Variants in POM121L2 observed in about 807,000 individuals in gnomAD.
POM121L2 encodes the protein POM121-like protein 2.
For synonymous variants in POM121L2, 459 were observed against 483.8 expected, an observed-to-expected ratio of 0.95 and a Z score of 0.67; for missense variants, 1,167 against 1,260.3, an observed-to-expected ratio of 0.93 and a Z score of 1.12.
Position 27,311,330 on chromosome 6 carries a change from T to A in POM121L2, c.841A>T (p.Thr281Ser). The A allele has an allele frequency of 1.3e-6, 2 of 1,551,628 alleles. No homozygotes were observed. The highest frequency in any genetic ancestry group is 1.7e-6 in the Non-Finnish European group (2 of 1,146,994). The change falls in exon 1 of 1, where the codon ACA becomes TCA. Residue 281 changes from threonine to serine, a missense_variant. Coordinates refer to ENST00000444565, the MANE Select transcript of POM121L2 (RefSeq NM_033482.4). ...TCCTTTTTTATTGGCCACTCTGGTG[T>A]CTCGAATGATACACTGGGAACACTT... Reference protein sequence around the residue: ...KRSVPSVSFETPEWPIKKEKS... With the variant: ...KRSVPSVSFESPEWPIKKEKS...
Position 27,311,322 on chromosome 6 carries a change from C to T in POM121L2, c.849G>A (p.Glu283=), listed in dbSNP as rs553250172. The change falls in exon 1 of 1, where the codon GAG becomes GAA. Residue 283 remains glutamate, a synonymous_variant. Coordinates refer to ENST00000444565, the MANE Select transcript of POM121L2 (RefSeq NM_033482.4). ...SVPSVSFETP[E]WPIKKEKSCH... ...AACTTTTTTCCTTTTTTATTGGCCA[C>T]TCTGGTGTCTCGAATGATACACTGG... The T allele has an allele frequency of 1.3e-6, 2 of 1,551,654 alleles. No homozygotes were observed. Among genetic ancestry groups the T allele is most frequent in the Non-Finnish European group, 8.7e-7 (1 of 1,147,000 alleles).
Position 27,309,029 on chromosome 6 carries a change from T to C in POM121L2, c.*34A>G. 6.8e-7 allele frequency: 1 copy of C among 1,476,644 alleles called. No homozygotes were observed. The allele number at this position is 1,476,644 out of a possible 1,614,324, so 91.5% of individuals were successfully genotyped here. On this transcript the variant is annotated 3_prime_UTR_variant, in exon 1 of 1. Coordinates refer to ENST00000444565, the MANE Select transcript of POM121L2 (RefSeq NM_033482.4). ...AGGTTTTTCAAAAACAATACTGAGGTCTAAATCAGGGTGCAAGTGACAGGG... is the reference window on the plus strand; with the variant it reads ...AGGTTTTTCAAAAACAATACTGAGGCCTAAATCAGGGTGCAAGTGACAGGG...
At position 27,310,459 on chromosome 6, in the gene POM121L2, C is replaced by T. The variant is rs1340139357; in HGVS notation, c.1712G>A (p.Gly571Asp). 2.6e-6 allele frequency: 4 copies of T among 1,552,166 alleles called. No homozygotes were observed. The African/African-American group carries it at 4.1e-5, about 16-fold the overall frequency. Reference sequence around the variant, plus strand: ...AGGCTTGAAGGTAGGAGTTAAGGTACCCTGAATTGTGGAAAGGGAAGAGAT... The same window carrying T: ...AGGCTTGAAGGTAGGAGTTAAGGTATCCTGAATTGTGGAAAGGGAAGAGAT... ...SSISSLSTIQ[G>D]TLTPTFKPIF... Residue 571 changes from glycine (G) to aspartate (D), a missense_variant, in exon 1 of 1, where the codon GGT becomes GAT. Transcript: ENST00000444565.
rs1487605445 is a variant in POM121L2, at chr6:27,311,085, G to A, written c.1086C>T (p.Asn362=). The A allele has an allele frequency of 7.1e-6, 11 of 1,551,896 alleles. 1 individual carries two copies. Among genetic ancestry groups the A allele is most frequent in the East Asian group, 2.4e-5 (1 of 40,918 alleles). ...TGACCTCAGTTGTATCTTCTCCTGC[G>A]TTGTTGCTTACCTGTAGCTCAGCTT... is the stretch of plus-strand genomic sequence containing the variant. ...GKKAELQVSN[N]AGEDTTEVNT... The change falls in exon 1 of 1, where the codon AAC becomes AAT. Residue 362 remains asparagine, a synonymous_variant. Transcript: ENST00000444565.
At position 27,311,251 on chromosome 6, in the gene POM121L2, G is replaced by T; in HGVS notation, c.920C>A (p.Ser307Tyr). 1 of 1,551,852 alleles carries T rather than the reference G, an allele frequency of 6.4e-7. No individual in the cohort carries two copies. Among genetic ancestry groups the T allele is most frequent in the Non-Finnish European group, 8.7e-7 (1 of 1,147,046 alleles). ...SPVPLVSDFE[S>Y]LGGSESSGQQ... ...CCCAGAACTTTCAGATCCTCCTAGG[G>T]ACTCAAAATCTGATACCAGTGGGAC... The change falls in exon 1 of 1, where the codon TCC becomes TAC. Residue 307 changes from serine to tyrosine, a missense_variant. Coordinates refer to ENST00000444565, the MANE Select transcript of POM121L2 (RefSeq NM_033482.4).
chr6:27,311,785 A>G lies in POM121L2; in HGVS notation c.386T>C (p.Val129Ala). The G allele has an allele frequency of 6.4e-7, 1 of 1,551,706 alleles. No individual in the cohort carries two copies. Among genetic ancestry groups the G allele is most frequent in the Non-Finnish European group, 8.7e-7 (1 of 1,146,994 alleles). Residue 129 changes from valine to alanine, a missense_variant, in exon 1 of 1, where the codon GTG becomes GCG. Physicochemically the swap from Val to Ala is moderately conservative, Grantham distance 64. Transcript: ENST00000444565. ...TIRITPPDQR[V>A]PPSTSPEDVI... is the part of the protein sequence containing the mutation. ...ATCTTCAGGAGAAGTGGAAGGGGGC[A>G]CTCTCTGGTCAGGAGGAGTGATCCT...
At position 27,311,907 on chromosome 6, in the gene POM121L2, G is replaced by T. The variant is rs538835313; in HGVS notation, c.264C>A (p.Pro88=). ...ACCAGTCTGAAGGGAGAGGCCCCAG[G>T]GGGGAATTCTGGGACTTCTTCATGG... ...RFPMKKSQNS[P]LGPLPSDWWE... The change falls in exon 1 of 1, where the codon CCC becomes CCA. Residue 88 remains proline, a synonymous_variant. Transcript: ENST00000444565. 3.9e-6 allele frequency: 6 copies of T among 1,551,586 alleles called. No homozygotes were observed. Among genetic ancestry groups the T allele is most frequent in the South Asian group, 1.2e-5 (1 of 84,062 alleles).
chr6:27,309,992 G>A lies in POM121L2; in HGVS notation c.2179C>T (p.Pro727Ser). 1 of 1,551,784 alleles carries A rather than the reference G, an allele frequency of 6.4e-7. No homozygotes were observed. Among genetic ancestry groups the A allele is most frequent in the Non-Finnish European group, 8.7e-7 (1 of 1,147,008 alleles). Residue 727 changes from proline to serine, a missense_variant, in exon 1 of 1, where the codon CCT becomes TCT. By Grantham distance (74) the Pro-to-Ser change is moderately conservative. Coordinates refer to ENST00000444565, the MANE Select transcript of POM121L2 (RefSeq NM_033482.4). Reference sequence around the variant, plus strand: ...GATACTAGGGCAGAGGCAGGCAGAGGGCTGCCCATACCCCTGAAATTAGCA... The same window carrying A: ...GATACTAGGGCAGAGGCAGGCAGAGAGCTGCCCATACCCCTGAAATTAGCA... ...STANFRGMGS[P>S]LPASALVSTN...
rs1276148859 is a variant in POM121L2 at position 27,310,012 on chromosome 6, T to C, written c.2159A>G (p.Asn720Ser). 6.4e-7 allele frequency: 1 copy of C among 1,551,934 alleles called. No individual in the cohort carries two copies. The highest frequency in any genetic ancestry group is 2.0e-5 in the Admixed American group (1 of 50,992). ...VQISPRSSTA[N>S]FRGMGSPLPA... is the part of the protein sequence containing the mutation. ...CAGAGGGCTGCCCATACCCCTGAAA[T>C]TAGCAGTGCTGCTTCTAGGGGATAT... The change falls in exon 1 of 1, where the codon AAT becomes AGT. Residue 720 changes from asparagine to serine, a missense_variant. Asn to Ser is a conservative substitution (Grantham distance 46). Coordinates refer to ENST00000444565, the MANE Select transcript of POM121L2 (RefSeq NM_033482.4).
At chr6:27,310,373 G>A in intron 1 of POM121L2, 1 of 1,552,148 alleles carries the variant, frequency 6.4e-7, no homozygotes, top group African/African-American at 1.4e-5. Flanking sequence ...GGAGGGGTCT[G>A]CTTGGAGGAG....
chr6:27,309,445 C>T lies in POM121L2; in HGVS notation c.2726G>A (p.Gly909Asp), dbSNP rs879559500. 12 of 1,551,336 alleles carry T rather than the reference C, an allele frequency of 7.7e-6. No individual in the cohort carries two copies. The highest frequency in any genetic ancestry group is 1.0e-5 in the Non-Finnish European group (12 of 1,146,852). ...TCCAGAGGTGGGGCTCATGTCTGGACCAGTCATTATGATCCCAGACTCATC... is the reference window on the plus strand; with the variant it reads ...TCCAGAGGTGGGGCTCATGTCTGGATCAGTCATTATGATCCCAGACTCATC... ...DCDESGIIMT[G>D]PDMSPTSGAF... Residue 909 changes from glycine to aspartate, a missense_variant, in exon 1 of 1, where the codon GGT becomes GAT. Transcript: ENST00000444565.
At chr6:27,309,549 A>ACT in intron 1 of POM121L2, 1 of 1,552,072 alleles carries the variant, frequency 6.4e-7, no homozygotes, top group Non-Finnish European at 8.7e-7. Flanking sequence ...CAAAAGCCCC[A>ACT]CTTTGGTGGG....
Position 27,309,225 on chromosome 6 carries a change from G to A in POM121L2, c.2946C>T (p.Gly982=). 2 of 1,551,832 alleles carry A rather than the reference G, an allele frequency of 1.3e-6. No homozygotes were observed. Among genetic ancestry groups the A allele is most frequent in the Non-Finnish European group, 1.7e-6 (2 of 1,147,018 alleles). The change falls in exon 1 of 1, where the codon GGC becomes GGT. Residue 982 remains glycine (G), a synonymous_variant. Coordinates refer to ENST00000444565, the MANE Select transcript of POM121L2 (RefSeq NM_033482.4). The part of the protein sequence containing the change: ...NTPVPGQAKA[G]SSVGFGMPFP... ...AAGGCATCCCAAAGCCAACACTGCT[G>A]CCTGCCTTAGCTTGTCCAGGGACTG... is the stretch of plus-strand genomic sequence containing the variant.
rs961452007 is a variant in POM121L2 at position 27,311,681 on chromosome 6, T to G, written c.490A>C (p.Arg164=). 62 of 1,551,926 alleles carry G rather than the reference T, an allele frequency of 4.0e-5. No individual in the cohort carries two copies. The African/African-American group carries it at 7.8e-4, about 19-fold the overall frequency. Residue 164 remains arginine, a synonymous_variant, in exon 1 of 1, where the codon AGA becomes CGA. Transcript: ENST00000444565. ...CSKETVLRAL[R]ECRKGKGRLE... is the part of the protein sequence containing the mutation. ...CTCCCTTTCCCTTTTCTGCACTCTC[T>G]GAGGGCCCTCAACACTGTCTCCTTT...
At chr6:27,311,361 C>T (rs1176264309), upstream of POM121L2, 2 of 1,551,562 alleles carry the variant, frequency 1.3e-6, no homozygotes, top group Non-Finnish European at 1.7e-6. Flanking sequence ...CACTTCTCTT[C>T]CAAGGGTCTG....
chr6:27,310,750 G>A lies in POM121L2; in HGVS notation c.1421C>T (p.Thr474Ile). Residue 474 changes from threonine to isoleucine, a missense_variant, in exon 1 of 1, where the codon ACA becomes ATA. Thr to Ile is a moderately conservative substitution (Grantham distance 89, BLOSUM62 -1). Transcript: ENST00000444565. ...TFILLTPTSP[T>I]LPVTDTTWPP... ...CCAGGTGGTGTCAGTAACTGGTAAT[G>A]TGGGAGAGGTGGGGGTCAGCAGGAT... 1 of 1,551,946 alleles carries A rather than the reference G, an allele frequency of 6.4e-7. No individual in the cohort carries two copies. The highest frequency in any genetic ancestry group is 8.7e-7 in the Non-Finnish European group (1 of 1,147,056).
Position 27,312,048 on chromosome 6 carries a change from A to C in POM121L2, c.123T>G (p.Val41=), listed in dbSNP as rs1405448993. ...PPQPLHQVHR[V]QFVHRAHPAP... ...CAGGGTGGGCGCGGTGGACGAACTG[A>C]ACCCGATGAACTTGGTGAAGGGGCT... is the stretch of plus-strand genomic sequence containing the variant. The change falls in exon 1 of 1, where the codon GTT becomes GTG. Residue 41 remains valine, a synonymous_variant. Transcript: ENST00000444565. The surrounding 1 kb of genome is among the most constrained non-coding windows in gnomAD (Gnocchi z 6.7). 6.6e-7 allele frequency: 1 copy of C among 1,523,798 alleles called. No individual in the cohort carries two copies. The highest frequency in any genetic ancestry group is 1.3e-5 in the South Asian group (1 of 79,998). 94.4% of individuals were successfully genotyped at this position (1,523,798 alleles called of 1,614,324 possible). A position where few individuals can be genotyped will look rare whatever the true frequency, so the allele number is the denominator to read the frequency against.
Position 27,308,392 on chromosome 6 carries a change from C to A in POM121L2, c.*671G>T, listed in dbSNP as rs9366689. Among the ~76,000 whole-genome samples the A allele has an allele frequency of 0.45, 68,433 of 151,514 alleles. 16,512 individuals carry two copies. The highest frequency in any genetic ancestry group is 0.61 in the African/African-American group (25,139 of 41,022). On this transcript the variant is annotated 3_prime_UTR_variant, in exon 1 of 1. Transcript: ENST00000444565. ...CACAAAAACCTGAACATGAATGTTTCTGGTGACTTTATTTATTTTTGAGAA... is the reference window on the plus strand; with the variant it reads ...CACAAAAACCTGAACATGAATGTTTATGGTGACTTTATTTATTTTTGAGAA...
intron 1 of POM121L2, chr6:27,309,544 GC>G (rs1561789905): frequency 6.4e-7 from 1 of 1,552,086 alleles, no homozygotes; most frequent in Non-Finnish European, 8.7e-7. Context: ...TGAGCCAAAA[GC>G]CCCACTTTGG....
Sources: gnomAD v4.1 joint callset for allele counts (sites outside exome capture counted in the v4.1 genomes callset) on GRCh38, gnomAD v4.1.1 for gene constraint, Gnocchi (gnomAD v3.1) non-coding constraint, MANE v1.5 for transcripts, NCBI Gene and HGNC (gene_info 2026-07-23, HGNC 2026-07-21) for gene names.